EML6: variants seen among roughly 807,000 people sequenced by gnomAD.
EML6 encodes EMAP like 6.
Under a neutral mutation model 240.1 loss-of-function variants are expected in EML6, and 154 were observed. The observed-to-expected ratio is 0.64, with a 90% confidence interval of 0.56 to 0.73. The LOEUF is 0.73. Among genes scored for constraint, EML6 ranks in the 30% least tolerant of loss-of-function variants. The probability of loss-of-function intolerance (pLI) is 0.00; values close to 1 mark genes in which losing one functional copy is unlikely to be tolerated. For missense variants in EML6, 2,964 were observed against 2,474.6 expected (o/e 1.20, Z -4.20); for synonymous variants, 1,148 against 899.0 (o/e 1.28, Z -4.95).
chr2:54,911,250 T>A (rs567901643), intron 25 of EML6, among the ~76,000 whole-genome samples: 10 of 152,188 alleles, frequency 6.6e-5, no homozygotes, highest in Non-Finnish European at 1.5e-4. Context: ...AATGTACAGT[T>A]GGTGCTCTGC....
At chr2:54,895,129 T>C (rs1672694461) in intron 20 of EML6, 103 bp downstream of exon 20, 2 of 1,314,198 alleles carry the variant, frequency 1.5e-6, no homozygotes, top group East Asian at 5.0e-5. Flanking sequence ...TTTCTCCCTC[T>C]TCCATGTTTA....
chr2:54,946,547 G>T (rs961580518), intron 28 of EML6, among the ~76,000 whole-genome samples: 1 of 152,200 alleles, frequency 6.6e-6, no homozygotes, highest in Non-Finnish European at 1.5e-5. Context: ...GTTTGGCTAC[G>T]TGTGAAGTCT....
At chr2:54,777,226 G>A (rs995089873) in intron 2 of EML6, among the ~76,000 whole-genome samples, 4 of 152,098 alleles carry the variant, frequency 2.6e-5, no homozygotes, top group Non-Finnish European at 5.9e-5. Context: ...TTTTAGCATG[G>A]AGCCAAATGC....
Position 54,964,049 on chromosome 2 carries a change from G to A in EML6, c.5221G>A (p.Glu1741Lys). Residue 1741 changes from glutamate (E) to lysine (K), a missense_variant, in exon 37 of 42, where the codon GAG (glutamate) becomes AAG (lysine). Physicochemically the swap from Glu to Lys is moderately conservative, Grantham distance 56. Transcript: ENST00000356458. ...GTGTGCAGCCTACAGCCCTGATGGG[G>A]AGATGGTGGCCATTGGCATGAAGAA... ...ARCAAYSPDG[E>K]MVAIGMKNGE... is the part of the protein sequence containing the mutation. The A allele has an allele frequency of 6.4e-7, 1 of 1,551,778 alleles. No homozygotes were observed.
At chr2:54,849,866 C>G in intron 9 of EML6, 96 bp from the exon 10 acceptor site, 1 of 999,008 alleles carries the variant, frequency 1.0e-6, no homozygotes. Flanking sequence ...GTTTGGTTCT[C>G]TTTCAACACA....
chr2:54,844,212 C>G lies in EML6; in HGVS notation c.1013C>G (p.Pro338Arg). ...GCTCTGGCCCTGCACCCCAAGAAGC[C>G]TCTGGCTGTGACAGGCAGCGATGAC... ...LWALALHPKK[P>R]LAVTGSDDRS... Residue 338 changes from proline to arginine, a missense_variant, in exon 8 of 42, where the codon CCT (proline) becomes CGT (arginine). Physicochemically the swap from Pro to Arg is moderately radical, Grantham distance 103. Transcript: ENST00000356458. 1 of 1,551,676 alleles carries G rather than the reference C, an allele frequency of 6.4e-7. No homozygotes were observed.
rs1166577463 is a variant in EML6 at position 54,723,775 on chromosome 2, G to A, written c.-516G>A. ...GCGCCGGTGGCGTCCGCTGGCAGCAGAGGTTAGAGGCAGAGAGCGCGCGGA... is the reference window on the plus strand; with the variant it reads ...GCGCCGGTGGCGTCCGCTGGCAGCAAAGGTTAGAGGCAGAGAGCGCGCGGA... On this transcript the variant is annotated splice_region_variant and 5_prime_UTR_variant, in exon 1 of 42. Coordinates refer to ENST00000356458, the MANE Select transcript of EML6 (RefSeq NM_001039753.4). 6.6e-6 allele frequency: 1 copy of A among 152,336 alleles called. No individual in the cohort carries two copies. The highest frequency in any genetic ancestry group is 1.5e-5 in the Non-Finnish European group (1 of 68,128). The allele number at this position is 152,336 out of a possible 1,614,324, so 9.4% of individuals were successfully genotyped here.
intron 17 of EML6, among the ~76,000 whole-genome samples, chr2:54,883,269 C>T (rs995202753): frequency 6.6e-6 from 1 of 152,084 alleles, no homozygotes; most frequent in Admixed American, 6.5e-5. Context: ...TACATATGCT[C>T]TATAACTGGT....
At chr2:54,830,170 C>A (rs1289421548) in intron 7 of EML6, among the ~76,000 whole-genome samples, 1 of 152,144 alleles carries the variant, frequency 6.6e-6, no homozygotes, top group Non-Finnish European at 1.5e-5. Context: ...TTTTAAAATT[C>A]TCATGGTAGG....
chr2:54,824,764 T>C (rs146771416), intron 5 of EML6, among the ~76,000 whole-genome samples: 2 of 152,148 alleles, frequency 1.3e-5, no homozygotes, highest in Non-Finnish European at 2.9e-5. Flanking sequence ...CAGAAGGGAC[T>C]TCAGGGACTA....
At chr2:54,796,194 C>G (rs1669760241) in intron 2 of EML6, among the ~76,000 whole-genome samples, 1 of 152,236 alleles carries the variant, frequency 6.6e-6, no homozygotes, top group Non-Finnish European at 1.5e-5. Context: ...ACATCTCTCT[C>G]TCCATATCTA....
chr2:54,756,770 A>C lies in EML6; in HGVS notation c.197+31512A>C, dbSNP rs545974466. 1.1e-4 allele frequency among the ~76,000 whole-genome samples: 17 copies of C among 152,074 alleles called. No homozygotes were observed. The East Asian group carries it at 2.9e-3, about 26-fold the overall frequency. On this transcript the variant is annotated intron_variant, in intron 2 of 41. Coordinates refer to ENST00000356458, the MANE Select transcript of EML6 (RefSeq NM_001039753.4). Reference sequence around the variant, plus strand: ...CCTGGCATACTGAAATTTAACAATAATGTGGCTTTGTTTGGGTCTTCCATC... The same window carrying C: ...CCTGGCATACTGAAATTTAACAATACTGTGGCTTTGTTTGGGTCTTCCATC...
chr2:54,776,232 G>T (rs1048093456), intron 2 of EML6, among the ~76,000 whole-genome samples: 1 of 152,144 alleles, frequency 6.6e-6, no homozygotes, highest in Non-Finnish European at 1.5e-5. Flanking sequence ...GGAGAAAGGG[G>T]CTTTATTGGC....
At chr2:54,950,820 T>A in intron 30 of EML6, 41 bp downstream of exon 30, 3 of 1,535,056 alleles carry the variant, frequency 2.0e-6, no homozygotes, top group Middle Eastern at 1.7e-4. Context: ...CTTTTAGCTG[T>A]TTTTTACATG....
At chr2:54,968,332 G>C in intron 40 of EML6, 51 bp downstream of exon 40, 1 of 1,527,912 alleles carries the variant, frequency 6.5e-7, no homozygotes, top group Non-Finnish European at 8.9e-7. Flanking sequence ...TTGGCCGTCT[G>C]CAGGAGATAG....
At chr2:54,898,810 T>C (rs72923877) in intron 21 of EML6, among the ~76,000 whole-genome samples, 1,772 of 152,356 alleles carry the variant, frequency 0.012, 42 homozygotes, top group African/African-American at 0.04. Flanking sequence ...TGGTCTGTTT[T>C]ATTGCTCTGT....
rs557034384 is a variant in EML6, at chr2:54,949,004, A to C, written c.4083+44A>C. ...TGTAGTCTGATATTGACGTTCTAAG[A>C]CATACCTGGTAGACATCCCCATCTG... On this transcript the variant is annotated intron_variant, in intron 29 of 41. Coordinates refer to ENST00000356458, the MANE Select transcript of EML6 (RefSeq NM_001039753.4). 166 of 1,393,080 alleles carry C rather than the reference A, an allele frequency of 1.2e-4. No homozygotes were observed. The African/African-American group carries it at 1.3e-3, about 11-fold the overall frequency. The allele number at this position is 1,393,080 out of a possible 1,614,324, so 86.3% of individuals were successfully genotyped here. A position where few individuals can be genotyped will look rare whatever the true frequency, so the allele number is the denominator to read the frequency against.
intron 16 of EML6, among the ~76,000 whole-genome samples, chr2:54,873,897 T>G (rs1671379295): frequency 6.7e-6 from 1 of 148,636 alleles, no homozygotes; most frequent in African/African-American, 2.5e-5. Context: ...AGATTGTATT[T>G]TATGCACATT....
At chr2:54,939,668 C>G (rs765982300) in intron 28 of EML6, among the ~76,000 whole-genome samples, 8 of 152,182 alleles carry the variant, frequency 5.3e-5, no homozygotes, top group Non-Finnish European at 1.0e-4. Flanking sequence ...GTGCCCCTGC[C>G]TGGGTTCTGC....
Sources: gnomAD v4.1 joint callset for allele counts (sites outside exome capture counted in the v4.1 genomes callset) on GRCh38, gnomAD v4.1.1 for gene constraint, MANE v1.5 for transcripts, NCBI Gene and HGNC (gene_info 2026-07-23, HGNC 2026-07-21) for gene names.